Variants in DIAPH3 observed in about 807,000 individuals in gnomAD.
The protein encoded by DIAPH3 is diaphanous related formin 3.
In DIAPH3, 117 loss-of-function variants were observed where a neutral mutation model predicts 144.3. That is an observed-to-expected ratio of 0.81 (90% CI 0.70 to 0.95). DIAPH3 has a LOEUF of 0.95. DIAPH3 is among the 40% of genes least tolerant of loss of function. The pLI is 0.00. For missense variants in DIAPH3, 1,421 were observed against 1,412.7 expected, an observed-to-expected ratio of 1.01 and a Z score of -0.09; for synonymous variants, 519 against 488.9, an observed-to-expected ratio of 1.06 and a Z score of -0.81.
At chr13:59,833,829 T>C (rs934072048) in intron 23 of DIAPH3, among the ~76,000 whole-genome samples, 1 of 151,694 alleles carries the variant, frequency 6.6e-6, no homozygotes, top group Non-Finnish European at 1.5e-5. Context: ...AGCTAACACA[T>C]GCAAAGTTCT....
At chr13:59,801,384 A>G (rs1286318927) in intron 25 of DIAPH3, among the ~76,000 whole-genome samples, 2 of 152,202 alleles carry the variant, frequency 1.3e-5, no homozygotes, top group African/African-American at 4.8e-5. Context: ...TTCCTAAAGC[A>G]GTGATCCTTT....
chr13:59,818,066 T>C (rs911823396), intron 24 of DIAPH3, among the ~76,000 whole-genome samples: 6 of 151,954 alleles, frequency 3.9e-5, no homozygotes, highest in African/African-American at 1.4e-4. Context: ...ATCCTTAGAT[T>C]GACCACGTAT....
chr13:59,704,385 T>C (rs1216542955), intron 27 of DIAPH3, among the ~76,000 whole-genome samples: 1 of 152,222 alleles, frequency 6.6e-6, no homozygotes, highest in African/African-American at 2.4e-5. Flanking sequence ...CCTCACTGTT[T>C]CCACAGCTCT....
intron 27 of DIAPH3, among the ~76,000 whole-genome samples, chr13:59,738,772 C>T (rs1189236295): frequency 6.6e-6 from 1 of 152,198 alleles, no homozygotes; most frequent in Non-Finnish European, 1.5e-5. Flanking sequence ...TGCATCTGTT[C>T]CAGTAACAGT....
In DIAPH3 at chr13:59,738,674, A is replaced by T. The variant is rs146051433; in HGVS notation, c.3319+35515T>A. Among the ~76,000 whole-genome samples, 4 of 152,330 alleles carry T rather than the reference A, an allele frequency of 2.6e-5. No individual in the cohort carries two copies. The East Asian group carries it at 7.7e-4, about 29-fold the overall frequency. On this transcript the variant is annotated intron_variant, in intron 27 of 27. Transcript: ENST00000400324. ...TATAATCCCACTAATCCATGAAGGT[A>T]TCTTTAAGTGGCACCACTTTAAAAA...
chr13:59,666,781 T>C lies in DIAPH3; in HGVS notation c.3385A>G (p.Arg1129Gly). 1.2e-6 allele frequency: 2 copies of C among 1,614,170 alleles called. No individual in the cohort carries two copies. The highest frequency in any genetic ancestry group is 1.1e-5 in the South Asian group (1 of 91,080). The change falls in exon 28 of 28, where the codon AGG becomes GGG. Residue 1129 changes from arginine to glycine, a missense_variant. Transcript: ENST00000400324. ...SHYNINCNST[R>G]TPVAKELNYN... ...TTAAGCTCCTTGGCGACTGGAGTCCTTGTTGAGTTGCAATTGATATTGTAG... is the reference window on the plus strand; with the variant it reads ...TTAAGCTCCTTGGCGACTGGAGTCCCTGTTGAGTTGCAATTGATATTGTAG...
At chr13:59,745,089 T>C (rs7990147) in intron 27 of DIAPH3, among the ~76,000 whole-genome samples, 52,347 of 152,050 alleles carry the variant, frequency 0.34, 9,471 homozygotes, top group African/African-American at 0.45. Context: ...TTTAGCCTGC[T>C]AGAAAGGAAG....
intron 17 of DIAPH3, among the ~76,000 whole-genome samples, chr13:59,962,238 G>A (rs2049805916): frequency 6.6e-6 from 1 of 152,166 alleles, no homozygotes; most frequent in African/African-American, 2.4e-5. Context: ...CCCATTGACA[G>A]TCAAAGAAGT....
At chr13:59,969,735 A>G (rs1446331212) in intron 17 of DIAPH3, among the ~76,000 whole-genome samples, 1 of 152,194 alleles carries the variant, frequency 6.6e-6, no homozygotes, top group Non-Finnish European at 1.5e-5. Context: ...AAATTTAATA[A>G]TCAAAATTTT....
intron 27 of DIAPH3, among the ~76,000 whole-genome samples, chr13:59,684,782 T>G (rs146966446): frequency 0.012 from 1,813 of 152,288 alleles, 19 homozygotes; most frequent in Middle Eastern, 0.031. Context: ...GTTGTACAAA[T>G]AAAGAAAGAA....
At chr13:59,716,896 G>C (rs539306292) in intron 27 of DIAPH3, among the ~76,000 whole-genome samples, 1 of 151,764 alleles carries the variant, frequency 6.6e-6, no homozygotes, top group African/African-American at 2.4e-5. Flanking sequence ...ACATTATTAC[G>C]TCAGCACTCT....
At chr13:59,667,261 A>T (rs1159049502) in intron 27 of DIAPH3, among the ~76,000 whole-genome samples, 1 of 152,218 alleles carries the variant, frequency 6.6e-6, no homozygotes, top group Non-Finnish European at 1.5e-5. Flanking sequence ...CACAGGGCAC[A>T]TGATGGCTGG....
chr13:60,023,245 A>T (rs2054147089), intron 5 of DIAPH3, among the ~76,000 whole-genome samples: 1 of 134,418 alleles, frequency 7.4e-6, no homozygotes, highest in African/African-American at 2.6e-5. Flanking sequence ...TATCTATTTC[A>T]TATTGGGTGT....
intron 20 of DIAPH3, among the ~76,000 whole-genome samples, chr13:59,881,400 T>G (rs182456394): frequency 6.6e-6 from 1 of 152,130 alleles, no homozygotes; most frequent in South Asian, 2.1e-4. Flanking sequence ...TTCATGATTA[T>G]GAAGCCAGGT....
intron 25 of DIAPH3, among the ~76,000 whole-genome samples, chr13:59,784,718 T>G (rs1428749508): frequency 6.6e-6 from 1 of 152,114 alleles, no homozygotes; most frequent in Non-Finnish European, 1.5e-5. Flanking sequence ...ACGTGAAGAT[T>G]ACAATCTGGA....
chr13:60,032,421 T>C (rs1039669594), intron 5 of DIAPH3, among the ~76,000 whole-genome samples: 2 of 152,188 alleles, frequency 1.3e-5, no homozygotes, highest in African/African-American at 4.8e-5. Flanking sequence ...TTTCTCCATA[T>C]ATCCTCTAAA....
chr13:59,955,917 A>G lies in DIAPH3; in HGVS notation c.2074+14027T>C, dbSNP rs555510001. On this transcript the variant is annotated intron_variant, in intron 17 of 27. Coordinates refer to ENST00000400324, the MANE Select transcript of DIAPH3 (RefSeq NM_001042517.2). ...ACTGGCAGCATTTTGCCCTTGCCCT[A>G]GAGTTCTGTGGAACTTTGAAAATGA... Among the ~76,000 whole-genome samples the G allele has an allele frequency of 1.3e-3, 200 of 152,292 alleles. 1 individual carries two copies. The highest frequency in any genetic ancestry group is 4.6e-3 in the African/African-American group (191 of 41,568).
At chr13:59,850,680 A>G (rs1456838330) in intron 22 of DIAPH3, among the ~76,000 whole-genome samples, 2 of 152,132 alleles carry the variant, frequency 1.3e-5, no homozygotes, top group African/African-American at 2.4e-5. Context: ...CCACTTGATC[A>G]TGATAAAGGG....
At chr13:60,133,109 C>T (rs1291432670) in intron 1 of DIAPH3, 120 bp from the exon 2 acceptor site, 4 of 673,936 alleles carry the variant, frequency 5.9e-6, no homozygotes. Flanking sequence ...TCTGACAGTC[C>T]AATAAAAACA....
Sources: gnomAD v4.1 joint callset for allele counts (sites outside exome capture counted in the v4.1 genomes callset) on GRCh38, gnomAD v4.1.1 for gene constraint, MANE v1.5 for transcripts, NCBI Gene and HGNC (gene_info 2026-07-23, HGNC 2026-07-21) for gene names.